The following RPAIN variants were observed in gnomAD, a reference collection of about 807,000 sequenced individuals.
RPAIN encodes RPA interacting protein, also known as RPA-interacting protein.
In RPAIN, 29 loss-of-function variants were observed where a neutral mutation model predicts 30.5. The ratio of observed to expected loss-of-function variants is 0.95; its 90% CI spans 0.71 to 1.30. The LOEUF (loss-of-function observed/expected upper bound fraction) is 1.30. Ranked by LOEUF, RPAIN falls within the 50% of genes most tolerant of loss-of-function variation. The pLI is 0.00. For synonymous variants in RPAIN, 101 were observed against 93.5 expected (o/e 1.08, Z -0.46); for missense variants, 247 against 264.7 (o/e 0.93, Z 0.46).
intron 3 of RPAIN, among the ~76,000 whole-genome samples, chr17:5,424,127 G>T (rs941088332): frequency 6.6e-6 from 1 of 150,972 alleles, no homozygotes; most frequent in African/African-American, 2.4e-5. Flanking sequence ...AGCTGGGACC[G>T]CAAGTGTGCA....
intron 6 of RPAIN, chr17:5,431,715 T>C (rs117113844): frequency 0.02 from 8,960 of 448,170 alleles, 161 homozygotes; most frequent in South Asian, 0.041. Context: ...TTACAGAAGA[T>C]TGCACTCTAT....
chr17:5,432,709 T>TC lies in RPAIN; in HGVS notation c.*140dup. On this transcript the variant is annotated 3_prime_UTR_variant, in exon 7 of 7. Coordinates refer to ENST00000381209, the MANE Select transcript of RPAIN (RefSeq NM_001033002.4). ...ACAATACTGAAGAAAAAAAAACTTT[T>TC]CCGACATCTGTTCTTGGTCTTTTGT... The TC allele has an allele frequency of 1.1e-6, 1 of 931,394 alleles. No homozygotes were observed. Among genetic ancestry groups the TC allele is most frequent in the Non-Finnish European group, 1.6e-6 (1 of 616,694 alleles). 57.7% of individuals were successfully genotyped at this position (931,394 alleles called of 1,614,324 possible). A position where few individuals can be genotyped will look rare whatever the true frequency, so the allele number is the denominator to read the frequency against.
At position 5,428,313 on chromosome 17, in the gene RPAIN, T is replaced by G. The variant is rs775827648; in HGVS notation, c.630+102T>G. Reference sequence around the variant, plus strand: ...GACCTATAAACAGGTAAATGTTTAATGCAGTTTATTATCTGAGGAATTTAC... The same window carrying G: ...GACCTATAAACAGGTAAATGTTTAAGGCAGTTTATTATCTGAGGAATTTAC... On this transcript the variant is annotated intron_variant, in intron 6 of 6. Transcript: ENST00000381209. 7.6e-6 allele frequency: 12 copies of G among 1,577,440 alleles called. No individual in the cohort carries two copies. The East Asian group carries it at 2.8e-4, about 37-fold the overall frequency.
At chr17:5,420,711 A>C (rs1253411866) in intron 1 of RPAIN, among the ~76,000 whole-genome samples, 1 of 152,178 alleles carries the variant, frequency 6.6e-6, no homozygotes. Context: ...ATTAGTAAGT[A>C]ATGTCCAAGA....
At position 5,432,835 on chromosome 17, in the gene RPAIN, G is replaced by A. The variant is rs924355413; in HGVS notation, c.*264G>A. 89 of 918,410 alleles carry A rather than the reference G, an allele frequency of 9.7e-5. No individual in the cohort carries two copies. The highest frequency in any genetic ancestry group is 1.5e-4 in the South Asian group (7 of 47,296). The allele number at this position is 918,410 out of a possible 1,614,324, so 56.9% of individuals were successfully genotyped here. A position where few individuals can be genotyped will look rare whatever the true frequency, so the allele number is the denominator to read the frequency against. On this transcript the variant is annotated 3_prime_UTR_variant, in exon 7 of 7. Transcript: ENST00000381209. ...GTTATACAAAAATCTAGAAATAATA[G>A]ATTTGTACAGAAAAAAATGATAATA...
At chr17:5,428,253 G>A in intron 6 of RPAIN, 42 bp downstream of exon 6, 5 of 1,613,956 alleles carry the variant, frequency 3.1e-6, no homozygotes, top group East Asian at 2.2e-5. Flanking sequence ...AGAGGGACCT[G>A]TGGTTGGTTT....
intron 6 of RPAIN, chr17:5,429,528 G>A (rs549326073): frequency 2.0e-6 from 2 of 985,300 alleles, no homozygotes; most frequent in African/African-American, 3.5e-5. Context: ...CCAGGTCTTT[G>A]TGGTTCCAGT....
Position 5,432,851 on chromosome 17 carries a change from AATG to A in RPAIN, c.*283_*285del. The A allele has an allele frequency of 2.1e-6, 2 of 949,114 alleles. No individual in the cohort carries two copies. Among genetic ancestry groups the A allele is most frequent in the Non-Finnish European group, 3.0e-6 (2 of 669,176 alleles). 58.8% of individuals were successfully genotyped at this position (949,114 alleles called of 1,614,324 possible). The stretch of plus-strand genomic sequence containing the variant: ...GAAATAATAGATTTGTACAGAAAAA[AATG>A]ATAATAAATGAGAACACAAAACATA... On this transcript the variant is annotated 3_prime_UTR_variant, in exon 7 of 7. Transcript: ENST00000381209.
At chr17:5,431,872 C>T (rs1204738758) in intron 6 of RPAIN, 2 of 329,002 alleles carry the variant, frequency 6.1e-6, no homozygotes, top group East Asian at 1.8e-4. Flanking sequence ...ACAAGAGTAA[C>T]CCACTTATGC....
At chr17:5,426,137 G>C in intron 4 of RPAIN, 55 bp downstream of exon 4, 1 of 1,544,734 alleles carries the variant, frequency 6.5e-7, no homozygotes, top group Non-Finnish European at 9.0e-7. Context: ...CCACTCCAAG[G>C]TGAGTGGAAT....
rs199806910 is a variant in RPAIN at position 5,420,275 on chromosome 17, A to G, written c.65A>G (p.Lys22Arg). 1.2e-6 allele frequency: 2 copies of G among 1,613,412 alleles called. No individual in the cohort carries two copies. Among genetic ancestry groups the G allele is most frequent in the East Asian group, 2.2e-5 (1 of 44,832 alleles). The change falls in exon 1 of 7, where the codon AAA becomes AGA. Residue 22 changes from lysine (K) to arginine (R), a missense_variant. By Grantham distance (26) the Lys-to-Arg change is conservative. Transcript: ENST00000381209. Reference protein sequence around the residue: ...LYKLVGSPPWKEAFRQRCLER... With the variant: ...LYKLVGSPPWREAFRQRCLER... ...AAACTGGTGGGCTCGCCGCCTTGGA[A>G]AGAGGCTTTCCGGCAGGTGGGTATG... is the stretch of plus-strand genomic sequence containing the variant.
chr17:5,423,272 G>A lies in RPAIN; in HGVS notation c.313+443G>A, dbSNP rs572144585. Among the ~76,000 whole-genome samples the A allele has an allele frequency of 7.9e-5, 12 of 151,950 alleles. No homozygotes were observed. In the East Asian group the frequency reaches 2.3e-3, roughly 29 times the overall value. Reference sequence around the variant, plus strand: ...TGCCTGTAATCCCAGCATTTTGAGAGGCTGAGGCAGGAGTATTGCTTGAGG... The same window carrying A: ...TGCCTGTAATCCCAGCATTTTGAGAAGCTGAGGCAGGAGTATTGCTTGAGG... On this transcript the variant is annotated intron_variant, in intron 3 of 6. Transcript: ENST00000381209.
At chr17:5,427,741 A>G (rs1289584771) in intron 5 of RPAIN, 3 of 327,754 alleles carry the variant, frequency 9.2e-6, no homozygotes, top group Non-Finnish European at 1.7e-5. Context: ...ATATACTGCT[A>G]GTTGTTGGTA....
chr17:5,428,349 A>T, intron 6 of RPAIN, 138 bp downstream of exon 6: 2 of 1,533,980 alleles, frequency 1.3e-6, no homozygotes, highest in Non-Finnish European at 1.8e-6. Context: ...CTGCATAGAA[A>T]AGTGAAGGTA....
intron 3 of RPAIN, among the ~76,000 whole-genome samples, chr17:5,423,349 TA>T (rs57082873): frequency 0.33 from 42,344 of 127,102 alleles, 7,044 homozygotes; most frequent in East Asian, 0.81. Context: ...TCTACAGAAG[TA>T]AAAAAAAAAA....
chr17:5,431,625 T>C (rs774396962), intron 6 of RPAIN: 30 of 456,638 alleles, frequency 6.6e-5, no homozygotes, highest in East Asian at 7.0e-5. Flanking sequence ...TCAAGGACCA[T>C]TGTGTTAGAA....
rs1463048399 is a variant in RPAIN, at chr17:5,431,238, G to A, written c.631-1304G>A. ...ACTGTGGTTCACACCTGTAACCCCA[G>A]CATTTAGGAAGGCTGAGGTGGGAGG... On this transcript the variant is annotated intron_variant, in intron 6 of 6. Coordinates refer to ENST00000381209, the MANE Select transcript of RPAIN (RefSeq NM_001033002.4). 3 of 353,464 alleles carry A rather than the reference G, an allele frequency of 8.5e-6. No individual in the cohort carries two copies. The Admixed American group carries it at 1.2e-4, about 14-fold the overall frequency. 21.9% of individuals were successfully genotyped at this position (353,464 alleles called of 1,614,324 possible).
rs552577520 is a variant in RPAIN at position 5,420,877 on chromosome 17, G to T, written c.82-419G>T. 4.6e-5 allele frequency among the ~76,000 whole-genome samples: 7 copies of T among 152,310 alleles called. No individual in the cohort carries two copies. In the East Asian group the frequency reaches 1.3e-3, roughly 29 times the overall value. Reference sequence around the variant, plus strand: ...TGCTAATAGTCCTATAACTAGAATTGTGACAACCAGAAATGTCTCCAAGCA... The same window carrying T: ...TGCTAATAGTCCTATAACTAGAATTTTGACAACCAGAAATGTCTCCAAGCA... On this transcript the variant is annotated intron_variant, in intron 1 of 6. Coordinates refer to ENST00000381209, the MANE Select transcript of RPAIN (RefSeq NM_001033002.4).
At chr17:5,429,531 G>A (rs764802741) in intron 6 of RPAIN, 63 of 985,270 alleles carry the variant, frequency 6.4e-5, no homozygotes, top group Non-Finnish European at 6.9e-5. Flanking sequence ...GGTCTTTGTG[G>A]TTCCAGTGCC....
Sources: gnomAD v4.1 joint callset for allele counts (sites outside exome capture counted in the v4.1 genomes callset) on GRCh38, gnomAD v4.1.1 for gene constraint, MANE v1.5 for transcripts, NCBI Gene and HGNC (gene_info 2026-07-23, HGNC 2026-07-21) for gene names.